SACM1L: variants seen among roughly 807,000 people sequenced by gnomAD.
SACM1L encodes SAC1 like phosphatidylinositide phosphatase, also known as phosphatidylinositol-3-phosphatase SAC1.
SACM1L carries 32 observed loss-of-function variants against 89.5 expected under a neutral mutation model. The observed-to-expected ratio is 0.36, with a 90% CI of 0.27 to 0.48. The LOEUF is 0.48. Among genes scored for constraint, SACM1L ranks in the 20% least tolerant of loss-of-function variants. SACM1L has a pLI of 0.99. For synonymous variants in SACM1L, 213 were observed against 232.8 expected, an observed-to-expected ratio of 0.92 and a Z score of 0.77; for missense variants, 543 against 708.5, an observed-to-expected ratio of 0.77 and a Z score of 2.65.
At chr3:45,719,870 G>A (rs958735952) in intron 8 of SACM1L, among the ~76,000 whole-genome samples, 2 of 152,158 alleles carry the variant, frequency 1.3e-5, no homozygotes, top group Non-Finnish European at 2.9e-5. Context: ...CGAAAGCACA[G>A]CTGAACTCAG....
At chr3:45,720,013 A>G (rs1470518431) in intron 8 of SACM1L, among the ~76,000 whole-genome samples, 2 of 152,178 alleles carry the variant, frequency 1.3e-5, no homozygotes, top group Admixed American at 6.5e-5. Context: ...TTTATTTTCT[A>G]GGCTTTGTAC....
At chr3:45,712,115 G>A (rs1698543447) in intron 5 of SACM1L, among the ~76,000 whole-genome samples, 1 of 152,222 alleles carries the variant, frequency 6.6e-6, no homozygotes, top group African/African-American at 2.4e-5. Context: ...CTCAGGAAGT[G>A]CGATTCAGCT....
intron 8 of SACM1L, among the ~76,000 whole-genome samples, chr3:45,720,290 C>T (rs1174051283): frequency 6.6e-6 from 1 of 152,126 alleles, no homozygotes; most frequent in African/African-American, 2.4e-5. Flanking sequence ...GTTAGCAACT[C>T]TGTTGTAACT....
At position 45,731,997 on chromosome 3, in the gene SACM1L, A is replaced by G. The variant is rs562723233; in HGVS notation, c.1002-56A>G. On this transcript the variant is annotated intron_variant, in intron 12 of 19. Transcript: ENST00000389061. ...AAATCAGCTTATGAAGGTATTATTA[A>G]TAGAAGGAAAATGAATGATCTCTGG... 7.8e-6 allele frequency: 8 copies of G among 1,029,526 alleles called. No individual in the cohort carries two copies. The East Asian group carries it at 9.8e-5, about 13-fold the overall frequency. The allele number at this position is 1,029,526 out of a possible 1,614,324, so 63.8% of individuals were successfully genotyped here.
At position 45,738,864 on chromosome 3, in the gene SACM1L, A is replaced by G; in HGVS notation, c.1560A>G (p.Lys520=). ...HSPLSVPRDW[K]FLALPIIMVV... is the part of the protein sequence containing the mutation. ...CTTTAAGTGTTCCAAGGGACTGGAA[A>G]TTCCTGGCTGTAAGAAACCATTTTG... is the stretch of plus-strand genomic sequence containing the variant. The change falls in exon 18 of 20, where the codon AAA becomes AAG. Residue 520 remains lysine (K), a synonymous_variant. Transcript: ENST00000389061. 1 of 1,599,028 alleles carries G rather than the reference A, an allele frequency of 6.3e-7. No homozygotes were observed.
At chr3:45,738,528 G>A in intron 16 of SACM1L, 50 bp from the exon 17 acceptor site, 1 of 1,095,720 alleles carries the variant, frequency 9.1e-7, no homozygotes, top group Non-Finnish European at 1.4e-6. Flanking sequence ...AAAACAGTGT[G>A]AGAATTCAGT....
chr3:45,743,552 A>G lies in SACM1L; in HGVS notation c.1647A>G (p.Thr549=). 1.9e-6 allele frequency: 3 copies of G among 1,612,020 alleles called. No homozygotes were observed. Among genetic ancestry groups the G allele is most frequent in the Non-Finnish European group, 2.5e-6 (3 of 1,179,472 alleles). Residue 549 remains threonine, a synonymous_variant, in exon 20 of 20, where the codon ACA becomes ACG. Transcript: ENST00000389061. ...LLMAGDTWTE[T]LAYVLFWGVA... ...CAACAGGTGACACTTGGACAGAAAC[A>G]CTGGCCTATGTGCTCTTCTGGGGAG...
At chr3:45,708,332 AT>A (rs1211227356) in intron 4 of SACM1L, among the ~76,000 whole-genome samples, 1 of 152,104 alleles carries the variant, frequency 6.6e-6, no homozygotes, top group Non-Finnish European at 1.5e-5. Context: ...TAAAGTCAAC[AT>A]TGTTTAGAGA....
Position 45,743,662 on chromosome 3 carries a change from T to G in SACM1L, c.1757T>G (p.Ile586Arg). 11 of 1,612,384 alleles carry G rather than the reference T, an allele frequency of 6.8e-6. No individual in the cohort carries two copies. Among genetic ancestry groups the G allele is most frequent in the Non-Finnish European group, 9.3e-6 (11 of 1,179,422 alleles). ...DAPRLVQKEK[I>R]D ...CCCAGACTGGTCCAGAAAGAAAAGA[T>G]AGACTGAATTTGTATTTGTGGAAAG... The change falls in exon 20 of 20, where the codon ATA becomes AGA. Residue 586 changes from isoleucine (I) to arginine (R), a missense_variant. This residue lies in a region of SACM1L where 370 missense variants were observed against 527.6 expected (regional missense o/e 0.70). Coordinates refer to ENST00000389061, the MANE Select transcript of SACM1L (RefSeq NM_014016.5).
intron 14 of SACM1L, among the ~76,000 whole-genome samples, chr3:45,736,454 C>T (rs1457659900): frequency 6.6e-6 from 1 of 152,060 alleles, no homozygotes; most frequent in East Asian, 1.9e-4. Context: ...AGTAAGCATT[C>T]AGCTTTATTT....
intron 7 of SACM1L, among the ~76,000 whole-genome samples, chr3:45,716,027 C>T (rs758846905): frequency 6.6e-6 from 1 of 152,076 alleles, no homozygotes; most frequent in Non-Finnish European, 1.5e-5. Context: ...GTTTCACACA[C>T]ATACAGAGAC....
intron 1 of SACM1L, among the ~76,000 whole-genome samples, chr3:45,702,163 G>C (rs546515503): frequency 6.6e-6 from 1 of 152,234 alleles, no homozygotes; most frequent in Admixed American, 6.5e-5. Flanking sequence ...AACCATAGAA[G>C]GTTGTAAGTT....
At chr3:45,739,305 G>GC in intron 18 of SACM1L, among the ~76,000 whole-genome samples, 1 of 152,166 alleles carries the variant, frequency 6.6e-6, no homozygotes, top group East Asian at 1.9e-4. Flanking sequence ...TGGAAGGGAG[G>GC]CCTAGTGTTC....
chr3:45,722,206 A>G (rs945083708), intron 9 of SACM1L, 121 bp downstream of exon 9: 10 of 637,598 alleles, frequency 1.6e-5, no homozygotes, highest in East Asian at 9.3e-5. Flanking sequence ...ATTTTTATCT[A>G]TGGTGCAGAA....
intron 6 of SACM1L, 167 bp downstream of exon 6, chr3:45,713,363 G>A: frequency 2.0e-6 from 1 of 502,488 alleles, no homozygotes; most frequent in Non-Finnish European, 3.5e-6. Context: ...ATCATTCTAG[G>A]TTGAAGAAGC....
chr3:45,742,187 T>G (rs942462682), intron 19 of SACM1L, among the ~76,000 whole-genome samples: 1 of 152,216 alleles, frequency 6.6e-6, no homozygotes, highest in Non-Finnish European at 1.5e-5. Context: ...ACTGCCCTTC[T>G]TCTTTTGTCC....
intron 1 of SACM1L, among the ~76,000 whole-genome samples, chr3:45,690,835 C>T (rs1697966900): frequency 1.3e-5 from 2 of 152,166 alleles, no homozygotes; most frequent in South Asian, 4.1e-4. Flanking sequence ...CTGGCCAGGC[C>T]ACTGTCACAT....
At chr3:45,738,522 CAG>C (rs1699250454) in intron 16 of SACM1L, 54 bp from the exon 17 acceptor site, 4 of 1,017,374 alleles carry the variant, frequency 3.9e-6, no homozygotes, top group Non-Finnish European at 6.2e-6. Flanking sequence ...GGCCATAAAA[CAG>C]TGTGAGAATT....
intron 1 of SACM1L, among the ~76,000 whole-genome samples, chr3:45,696,509 G>C (rs1260150804): frequency 6.6e-6 from 1 of 152,084 alleles, no homozygotes; most frequent in East Asian, 1.9e-4. Flanking sequence ...GGTCATATGG[G>C]AATTCTATTT....
Sources: gnomAD v4.1 joint callset for allele counts (sites outside exome capture counted in the v4.1 genomes callset) on GRCh38, gnomAD v4.1.1 for gene constraint, gnomAD v4.1.1 regional missense constraint, MANE v1.5 for transcripts, NCBI Gene and HGNC (gene_info 2026-07-23, HGNC 2026-07-21) for gene names.